VPS8: variants seen among roughly 807,000 people sequenced by gnomAD.
The protein encoded by VPS8 is VPS8 subunit of CORVET complex.
Under a neutral mutation model 216.4 loss-of-function variants are expected in VPS8, and 129 were observed. The observed-to-expected ratio is 0.60, with a 90% CI of 0.52 to 0.69. VPS8 has a LOEUF of 0.69. Ranked by LOEUF, VPS8 falls within the 30% of genes least tolerant of loss-of-function variation. The pLI, the probability that VPS8 is intolerant of heterozygous loss-of-function variation, is 0.00. For missense variants in VPS8, 1,531 were observed against 1,683.5 expected (o/e 0.91, Z 1.59); for synonymous variants, 571 against 565.4 (o/e 1.01, Z -0.14).
chr3:184,936,736 C>T (rs968171858), intron 35 of VPS8, among the ~76,000 whole-genome samples: 9 of 151,408 alleles, frequency 5.9e-5, no homozygotes, highest in East Asian at 5.8e-4. Context: ...TCCACAACCC[C>T]GTTTTCTTTT....
intron 36 of VPS8, among the ~76,000 whole-genome samples, chr3:184,950,617 C>T (rs1245185128): frequency 6.6e-6 from 1 of 151,934 alleles, no homozygotes; most frequent in Non-Finnish European, 1.5e-5. Flanking sequence ...ACTTTAAGTT[C>T]TGGGTTACGT....
chr3:184,906,414 A>G (rs1321131813), intron 25 of VPS8, among the ~76,000 whole-genome samples: 1 of 152,240 alleles, frequency 6.6e-6, no homozygotes, highest in African/African-American at 2.4e-5. Context: ...GTTGTTGGAT[A>G]GAGTGTTACA....
chr3:184,828,136 T>C (rs1408663759), intron 3 of VPS8, among the ~76,000 whole-genome samples: 1 of 152,064 alleles, frequency 6.6e-6, no homozygotes, highest in Non-Finnish European at 1.5e-5. Context: ...TTTTTGTTTG[T>C]TTTTGTTTGT....
chr3:184,825,447 A>G (rs1718554403), intron 2 of VPS8, among the ~76,000 whole-genome samples: 1 of 152,130 alleles, frequency 6.6e-6, no homozygotes, highest in South Asian at 2.1e-4. Context: ...TGCTTGACCT[A>G]ATTATCTCTC....
At chr3:184,983,652 A>G (rs1750574053) in intron 42 of VPS8, among the ~76,000 whole-genome samples, 1 of 152,158 alleles carries the variant, frequency 6.6e-6, no homozygotes, top group Admixed American at 6.5e-5. Flanking sequence ...AGAACACTCA[A>G]AATACTCCAA....
At chr3:184,968,715 GTTGT>G (rs1486819322) in intron 39 of VPS8, among the ~76,000 whole-genome samples, 1 of 152,068 alleles carries the variant, frequency 6.6e-6, no homozygotes, top group Non-Finnish European at 1.5e-5. Flanking sequence ...TTTTAATTGG[GTTGT>G]TTGTTTTCAT....
chr3:184,886,049 T>C, intron 21 of VPS8, 61 bp from the exon 22 acceptor site: 1 of 1,544,252 alleles, frequency 6.5e-7, no homozygotes, highest in South Asian at 1.2e-5. Context: ...AGACCTGTCA[T>C]TATCAGTGGA....
At position 184,969,797 on chromosome 3, in the gene VPS8, A is replaced by G. The variant is rs191710458; in HGVS notation, c.3317-1852A>G. On this transcript the variant is annotated intron_variant, in intron 39 of 47. Transcript: ENST00000625842. ...TTAAGAAGAGCATTCCCCCAAAATC[A>G]CTACAATCATTTGCAGGTGGTATGT... Among the ~76,000 whole-genome samples, 132 of 150,816 alleles carry G rather than the reference A, an allele frequency of 8.8e-4. 1 individual carries two copies. Among genetic ancestry groups the G allele is most frequent in the Non-Finnish European group, 1.1e-3 (77 of 67,728 alleles).
At chr3:184,864,111 TA>T (rs1726895194) in intron 16 of VPS8, among the ~76,000 whole-genome samples, 1 of 126,282 alleles carries the variant, frequency 7.9e-6, no homozygotes, top group South Asian at 2.4e-4. Flanking sequence ...CTGCTTGAAA[TA>T]ACCCAGGAAG....
intron 42 of VPS8, among the ~76,000 whole-genome samples, chr3:184,991,394 C>T (rs1341237304): frequency 2.6e-5 from 4 of 152,182 alleles, no homozygotes; most frequent in African/African-American, 9.7e-5. Context: ...GCATGCTGTG[C>T]TAGAAGCTTT....
intron 22 of VPS8, among the ~76,000 whole-genome samples, chr3:184,889,713 T>C (rs1208631705): frequency 6.6e-6 from 1 of 152,066 alleles, no homozygotes; most frequent in Admixed American, 6.6e-5. Context: ...GTAAGAAAGG[T>C]CGGGGCTGTG....
chr3:184,830,087 G>C (rs1719670934), intron 3 of VPS8, among the ~76,000 whole-genome samples: 1 of 152,092 alleles, frequency 6.6e-6, no homozygotes, highest in African/African-American at 2.4e-5. Flanking sequence ...CTGATGTTAT[G>C]ATGATGTTAC....
At position 184,813,452 on chromosome 3, in the gene VPS8, A is replaced by G. The variant is rs145540532; in HGVS notation, c.-89+1227A>G. Reference sequence around the variant, plus strand: ...TGAGGTATATCTAATATAAATGTGGATGGAGAATCTGCATATGTTTGTGTA... The same window carrying G: ...TGAGGTATATCTAATATAAATGTGGGTGGAGAATCTGCATATGTTTGTGTA... On this transcript the variant is annotated intron_variant, in intron 1 of 47. Coordinates refer to ENST00000625842, the MANE Select transcript of VPS8 (RefSeq NM_001009921.3). Among the ~76,000 whole-genome samples, 394 of 152,328 alleles carry G rather than the reference A, an allele frequency of 2.6e-3. 2 individuals carry two copies. The highest frequency in any genetic ancestry group is 8.5e-3 in the African/African-American group (355 of 41,554).
chr3:184,932,411 T>C (rs1740846643), intron 34 of VPS8, among the ~76,000 whole-genome samples: 1 of 152,192 alleles, frequency 6.6e-6, no homozygotes, highest in African/African-American at 2.4e-5. Context: ...AAGATTTCAT[T>C]AGATTGTGTT....
chr3:184,928,625 CT>C, intron 32 of VPS8, 92 bp downstream of exon 32: 2 of 931,986 alleles, frequency 2.1e-6, no homozygotes, highest in Non-Finnish European at 2.9e-6. Flanking sequence ...TACATTGCTG[CT>C]TTTTTAATTA....
chr3:184,968,573 T>C (rs1282930404), intron 39 of VPS8, among the ~76,000 whole-genome samples: 1 of 152,212 alleles, frequency 6.6e-6, no homozygotes, highest in Admixed American at 6.5e-5. Context: ...TAGCTATCCA[T>C]ATGTGTGTGA....
chr3:184,961,793 G>GTCTC (rs1210991355), intron 37 of VPS8, among the ~76,000 whole-genome samples: 1 of 148,138 alleles, frequency 6.8e-6, no homozygotes, highest in Non-Finnish European at 1.5e-5. Flanking sequence ...TTTAGACAGA[G>GTCTC]TCTCTCTCTG....
chr3:184,958,994 C>T (rs899309340), intron 37 of VPS8, among the ~76,000 whole-genome samples: 1 of 152,160 alleles, frequency 6.6e-6, no homozygotes, highest in African/African-American at 2.4e-5. Context: ...ATCTCCTCTG[C>T]TGAAACTTAC....
chr3:184,816,082 G>C (rs1451428358), intron 1 of VPS8: 1 of 152,190 alleles, frequency 6.6e-6, no homozygotes, highest in African/African-American at 2.4e-5. Context: ...CTTTGGAGCT[G>C]AAGTGGGTCT....
Sources: gnomAD v4.1 joint callset for allele counts (sites outside exome capture counted in the v4.1 genomes callset) on GRCh38, gnomAD v4.1.1 for gene constraint, MANE v1.5 for transcripts, NCBI Gene and HGNC (gene_info 2026-07-23, HGNC 2026-07-21) for gene names.